Variants in CDH18 observed in about 807,000 individuals in gnomAD.
CDH18 encodes cadherin-18.
In CDH18, 31 loss-of-function variants were observed where a neutral mutation model predicts 67.9. That is an observed-to-expected ratio of 0.46 (90% confidence interval 0.34 to 0.62). The LOEUF is 0.62. CDH18 is among the 20% of genes least tolerant of loss of function. The probability of loss-of-function intolerance (pLI) is 0.01; values close to 1 mark genes in which losing one functional copy is unlikely to be tolerated. For synonymous variants in CDH18, 362 were observed against 347.2 expected, an observed-to-expected ratio of 1.04 and a Z score of -0.48; for missense variants, 890 against 975.5, an observed-to-expected ratio of 0.91 and a Z score of 1.17.
At chr5:20,361,112 C>CCA (rs1381931855) in intron 1 of CDH18, among the ~76,000 whole-genome samples, 5 of 151,904 alleles carry the variant, frequency 3.3e-5, no homozygotes, top group African/African-American at 1.2e-4. Flanking sequence ...TTTAGTTCTG[C>CCA]AATGCTTTCT....
chr5:20,362,884 A>G (rs1742198710), intron 1 of CDH18, among the ~76,000 whole-genome samples: 1 of 152,198 alleles, frequency 6.6e-6, no homozygotes, highest in Non-Finnish European at 1.5e-5. Context: ...AGCATTTACA[A>G]GGAAAACAAA....
intron 3 of CDH18, among the ~76,000 whole-genome samples, chr5:19,775,221 C>T (rs774823789): frequency 6.6e-6 from 1 of 152,128 alleles, no homozygotes; most frequent in African/African-American, 2.4e-5. Flanking sequence ...GCTACTAGCT[C>T]GCTACCAACA....
intron 5 of CDH18, among the ~76,000 whole-genome samples, chr5:19,622,857 C>T (rs569156159): frequency 7.2e-5 from 11 of 152,158 alleles, no homozygotes; most frequent in African/African-American, 1.7e-4. Context: ...TCCAAACCAA[C>T]GTCATACGGA....
In CDH18 at chr5:19,838,380, T is replaced by C. The variant is rs115921214; in HGVS notation, c.228+379A>G. 9.2e-3 allele frequency among the ~76,000 whole-genome samples: 1,393 copies of C among 152,232 alleles called. 7 individuals are homozygous for C. The highest frequency in any genetic ancestry group is 0.014 in the Middle Eastern group (4 of 294). On this transcript the variant is annotated intron_variant, in intron 3 of 12. Transcript: ENST00000382275. ...CAGGAGCAATATGTGAAAATAGCAGTAAATGTCAGTGTGCGAATAAGTGAC... is the reference window on the plus strand; with the variant it reads ...CAGGAGCAATATGTGAAAATAGCAGCAAATGTCAGTGTGCGAATAAGTGAC...
intron 1 of CDH18, among the ~76,000 whole-genome samples, chr5:20,373,817 A>G (rs1380519663): frequency 2.0e-5 from 3 of 152,088 alleles, no homozygotes; most frequent in African/African-American, 7.2e-5. Context: ...CATTTATGCT[A>G]TTATTGACAA....
intron 7 of CDH18, among the ~76,000 whole-genome samples, chr5:19,584,244 G>A (rs767698109): frequency 1.3e-5 from 2 of 152,092 alleles, no homozygotes; most frequent in Non-Finnish European, 2.9e-5. Flanking sequence ...TATTTACAAT[G>A]TACCACACCA....
At chr5:19,938,466 G>A (rs1331122089) in intron 2 of CDH18, among the ~76,000 whole-genome samples, 1 of 151,226 alleles carries the variant, frequency 6.6e-6, no homozygotes, top group Non-Finnish European at 1.5e-5. Context: ...ACCCAATAAG[G>A]TACATACATT....
intron 1 of CDH18, among the ~76,000 whole-genome samples, chr5:20,392,518 T>A (rs1049720838): frequency 1.3e-5 from 2 of 151,904 alleles, no homozygotes; most frequent in African/African-American, 2.4e-5. Context: ...TTCTTATAAC[T>A]CACTATTCAG....
chr5:20,394,791 T>G (rs1017428914), intron 1 of CDH18, among the ~76,000 whole-genome samples: 6 of 151,868 alleles, frequency 4.0e-5, no homozygotes, highest in African/African-American at 7.3e-5. Context: ...TAGAAATTTC[T>G]CAAAAGAAGA....
chr5:20,111,741 C>A (rs1294467878), intron 2 of CDH18, among the ~76,000 whole-genome samples: 1 of 151,840 alleles, frequency 6.6e-6, no homozygotes, highest in African/African-American at 2.4e-5. Context: ...GATGGGGTTT[C>A]ACCATGCTGG....
chr5:20,290,234 T>A (rs553072032), intron 1 of CDH18, among the ~76,000 whole-genome samples: 1 of 152,220 alleles, frequency 6.6e-6, no homozygotes, highest in South Asian at 2.1e-4. Flanking sequence ...AATTTAAGTG[T>A]TTTAGCAAGC....
chr5:19,688,825 A>G (rs1363162939), intron 5 of CDH18, among the ~76,000 whole-genome samples: 1 of 152,154 alleles, frequency 6.6e-6, no homozygotes, highest in Non-Finnish European at 1.5e-5. Flanking sequence ...GAGAAATTCA[A>G]CAAAGTGATA....
chr5:19,619,425 C>T (rs1328390468), intron 5 of CDH18, among the ~76,000 whole-genome samples: 1 of 151,968 alleles, frequency 6.6e-6, no homozygotes. Flanking sequence ...ATGAAGAGTA[C>T]CTGTGGGGGA....
At chr5:19,874,911 C>T (rs1786762641) in intron 2 of CDH18, among the ~76,000 whole-genome samples, 1 of 152,104 alleles carries the variant, frequency 6.6e-6, no homozygotes, top group Non-Finnish European at 1.5e-5. Context: ...CATATTCTGT[C>T]ACACACCATA....
intron 1 of CDH18, among the ~76,000 whole-genome samples, chr5:20,275,417 T>C (rs910206543): frequency 6.6e-6 from 1 of 152,178 alleles, no homozygotes; most frequent in Non-Finnish European, 1.5e-5. Context: ...CTCCTTATCA[T>C]GCTTCCTGTT....
intron 6 of CDH18, among the ~76,000 whole-genome samples, chr5:19,609,431 C>G (rs1748596121): frequency 4.6e-5 from 7 of 151,902 alleles, no homozygotes. Context: ...CTGATACTGA[C>G]AAGCAGCCTG....
At chr5:20,547,520 C>A (rs565888839) in intron 1 of CDH18, among the ~76,000 whole-genome samples, 268 of 150,536 alleles carry the variant, frequency 1.8e-3, no homozygotes, top group Non-Finnish European at 3.0e-3. Context: ...GAGATCGCAC[C>A]ATTGCACTCC....
chr5:20,310,584 G>C (rs1736891592), intron 1 of CDH18, among the ~76,000 whole-genome samples: 1 of 152,138 alleles, frequency 6.6e-6, no homozygotes, highest in Admixed American at 6.5e-5. Context: ...CTGTAATAAA[G>C]AGTCTAAAAG....
At chr5:19,662,686 T>G (rs958162324) in intron 5 of CDH18, among the ~76,000 whole-genome samples, 3 of 152,060 alleles carry the variant, frequency 2.0e-5, no homozygotes, top group Non-Finnish European at 4.4e-5. Context: ...GGCCTATTTT[T>G]CTGTATCTGT....
Sources: gnomAD v4.1 joint callset for allele counts (sites outside exome capture counted in the v4.1 genomes callset) on GRCh38, gnomAD v4.1.1 for gene constraint, MANE v1.5 for transcripts, NCBI Gene and HGNC (gene_info 2026-07-23, HGNC 2026-07-21) for gene names.